Variants in PBRM1 observed in about 807,000 individuals in gnomAD.
The protein encoded by PBRM1 is polybromo 1, also known as protein polybromo-1.
A neutral mutation model predicts 194.5 loss-of-function variants in PBRM1; 27 were observed. The observed-to-expected ratio is 0.14, with a 90% CI of 0.10 to 0.19. The LOEUF (loss-of-function observed/expected upper bound fraction) is 0.19, where lower values mean the gene tolerates loss of function less well. Among genes scored for constraint, PBRM1 ranks in the 10% least tolerant of loss-of-function variants. PBRM1 has a pLI of 1.00. For synonymous variants in PBRM1, 655 were observed against 693.2 expected (o/e 0.94, Z 0.87); for missense variants, 1,466 against 2,077.2 (o/e 0.71, Z 5.72).
chr3:52,632,447 T>C (rs527268905), intron 11 of PBRM1, among the ~76,000 whole-genome samples: 85 of 152,272 alleles, frequency 5.6e-4, no homozygotes, highest in Non-Finnish European at 9.8e-4. Context: ...CTGGGCATGT[T>C]GGCATGTGTC....
chr3:52,561,837 G>A (rs1042837891), exon 25 of PBRM1: 24 of 1,614,012 alleles, frequency 1.5e-5, no homozygotes, highest in African/African-American at 2.7e-5. Flanking sequence ...TGAGCTCCCC[G>A]AAAGAGTAGT....
rs1369258522 is a variant in PBRM1 at position 52,668,660 on chromosome 3, AT to A, written c.237-16del. The A allele has an allele frequency of 2.0e-6, 3 of 1,498,346 alleles. No homozygotes were observed. The highest frequency in any genetic ancestry group is 2.7e-6 in the Non-Finnish European group (3 of 1,114,726). 92.8% of individuals were successfully genotyped at this position (1,498,346 alleles called of 1,614,324 possible). A position where few individuals can be genotyped will look rare whatever the true frequency, so the allele number is the denominator to read the frequency against. ...CTGGTTGATTTCTGTTATAATTTAAATTTTTTTAAAGGAGATTAATCTGAAG... is the reference window on the plus strand; with the variant it reads ...CTGGTTGATTTCTGTTATAATTTAAATTTTTTAAAGGAGATTAATCTGAAG... On this transcript the variant is annotated splice_polypyrimidine_tract_variant and intron_variant, in intron 2 of 29. Coordinates refer to ENST00000296302, the Ensembl canonical transcript of PBRM1.
At chr3:52,657,941 G>A (rs891692839) in intron 5 of PBRM1, among the ~76,000 whole-genome samples, 12 of 151,934 alleles carry the variant, frequency 7.9e-5, no homozygotes, top group African/African-American at 2.7e-4. Flanking sequence ...ATAGGCATGC[G>A]CCACCACACC....
intron 22 of PBRM1, among the ~76,000 whole-genome samples, chr3:52,574,705 T>C (rs1481394011): frequency 6.6e-6 from 1 of 152,142 alleles, no homozygotes; most frequent in African/African-American, 2.4e-5. Flanking sequence ...AAGTAGGAAG[T>C]AAAGGCAAAG....
At chr3:52,634,845 G>C in intron 10 of PBRM1, 30 bp from the exon 12 acceptor site, 1 of 1,454,570 alleles carries the variant, frequency 6.9e-7, no homozygotes, top group Non-Finnish European at 9.6e-7. Flanking sequence ...ATTTATAAAG[G>C]GACGAATGAG....
At chr3:52,647,703 C>G (rs533195164) in intron 7 of PBRM1, among the ~76,000 whole-genome samples, 2 of 151,572 alleles carry the variant, frequency 1.3e-5, no homozygotes, top group Non-Finnish European at 2.9e-5. Context: ...GAAAACATTA[C>G]GCTAACTGAA....
chr3:52,589,119 G>T, exon 18 of PBRM1: 1 of 1,613,616 alleles, frequency 6.2e-7, no homozygotes, highest in Non-Finnish European at 8.5e-7. Context: ...GTGGTTGTAG[G>T]TTGGCCTCTG....
chr3:52,662,249 A>G (rs2153928530), exon 4 of PBRM1: 1 of 1,613,658 alleles, frequency 6.2e-7, no homozygotes, highest in Non-Finnish European at 8.5e-7. Flanking sequence ...CAGAGTTTGC[A>G]AGCGGCTTTA....
chr3:52,586,735 T>C (rs780656037), intron 19 of PBRM1, 47 bp from the exon 22 acceptor site: 2 of 648,882 alleles, frequency 3.1e-6, no homozygotes, highest in Admixed American at 7.3e-5. Flanking sequence ...AGGTGAATTT[T>C]CTGAAAATCA....
chr3:52,655,022 A>G (rs2096582099), intron 5 of PBRM1, among the ~76,000 whole-genome samples: 1 of 152,146 alleles, frequency 6.6e-6, no homozygotes, highest in African/African-American at 2.4e-5. Flanking sequence ...CTGGGATTAC[A>G]GGTGTGGGTC....
chr3:52,582,427 T>C (rs76066495), intron 20 of PBRM1, among the ~76,000 whole-genome samples: 11 of 147,622 alleles, frequency 7.5e-5, no homozygotes, highest in African/African-American at 2.3e-4. Context: ...TTTTTTTTTT[T>C]CAGACGGAGT....
intron 4 of PBRM1, among the ~76,000 whole-genome samples, chr3:52,659,804 C>G (rs2153885567): frequency 6.6e-6 from 1 of 152,238 alleles, no homozygotes; most frequent in African/African-American, 2.4e-5. Flanking sequence ...TATAAAGAGT[C>G]TTGGGGTCTG....
At chr3:52,610,891 A>G (rs1214765315) in intron 15 of PBRM1, among the ~76,000 whole-genome samples, 2 of 152,192 alleles carry the variant, frequency 1.3e-5, no homozygotes, top group Non-Finnish European at 1.5e-5. Context: ...GTGAGCTGAG[A>G]TCAAGCCATT....
exon 29 of PBRM1, chr3:52,550,485 C>A (rs747485942): frequency 1.9e-6 from 3 of 1,580,614 alleles, no homozygotes; most frequent in Non-Finnish European, 2.6e-6. Context: ...CAATGTATTT[C>A]AGGTAGGCCT....
At chr3:52,640,888 C>T (rs552989793) in intron 10 of PBRM1, among the ~76,000 whole-genome samples, 5 of 152,136 alleles carry the variant, frequency 3.3e-5, no homozygotes, top group Non-Finnish European at 2.9e-5. Flanking sequence ...ATCCACCCCC[C>T]TCAGCCTCCC....
chr3:52,669,927 C>T (rs2096913685), intron 2 of PBRM1, among the ~76,000 whole-genome samples: 3 of 152,114 alleles, frequency 2.0e-5, no homozygotes, highest in Admixed American at 6.5e-5. Context: ...CCAAAAAAAT[C>T]AGAATATTGA....
At chr3:52,618,828 C>T (rs745974124) in intron 13 of PBRM1, among the ~76,000 whole-genome samples, 3 of 151,988 alleles carry the variant, frequency 2.0e-5, no homozygotes, top group East Asian at 1.9e-4. Context: ...CTCTGCTCAC[C>T]GCAACCTTCG....
intron 13 of PBRM1, 21 bp from the exon 15 acceptor site, chr3:52,624,962 A>G: frequency 6.5e-7 from 1 of 1,529,680 alleles, no homozygotes; most frequent in Non-Finnish European, 8.9e-7. Context: ...AGAAACAAAC[A>G]TTACATGTAA....
chr3:52,567,627 C>T (rs958916983), intron 22 of PBRM1, among the ~76,000 whole-genome samples: 1 of 150,380 alleles, frequency 6.6e-6, no homozygotes, highest in Non-Finnish European at 1.5e-5. Flanking sequence ...AGAAAAGCAC[C>T]TGGGTAGCTT....
Sources: allele counts gnomAD v4.1 joint callset (sites outside exome capture counted in the v4.1 genomes callset), GRCh38; gene constraint gnomAD v4.1.1; transcripts MANE v1.5; gene names NCBI Gene and HGNC (gene_info 2026-07-23, HGNC 2026-07-21).